The following LHFPL3 variants were observed in gnomAD, a reference collection of about 807,000 sequenced individuals.
LHFPL3 encodes the protein LHFPL tetraspan subfamily member 3.
In LHFPL3, 5 loss-of-function variants were observed where a neutral mutation model predicts 19.3. The observed-to-expected ratio is 0.26, with a 90% CI of 0.14 to 0.54. The LOEUF (loss-of-function observed/expected upper bound fraction) is 0.54. LHFPL3 is among the 20% of genes least tolerant of loss of function. The pLI, the probability that LHFPL3 is intolerant of heterozygous loss-of-function variation, is 0.94. For missense variants in LHFPL3, 249 were observed against 307.4 expected, an observed-to-expected ratio of 0.81 and a Z score of 1.42; for synonymous variants, 133 against 126.2, an observed-to-expected ratio of 1.05 and a Z score of -0.36.
intron 1 of LHFPL3, among the ~76,000 whole-genome samples, chr7:104,558,380 G>C (rs1201848977): frequency 6.7e-6 from 1 of 148,962 alleles, no homozygotes; most frequent in African/African-American, 2.5e-5. Context: ...TCTAACTGGT[G>C]TGAGATGGTA....
At chr7:104,749,595 A>G (rs1258182483) in intron 2 of LHFPL3, among the ~76,000 whole-genome samples, 1 of 152,290 alleles carries the variant, frequency 6.6e-6, no homozygotes, top group African/African-American at 2.4e-5. Context: ...GGAGAGGGCA[A>G]CCCGGGTTGG....
intron 2 of LHFPL3, among the ~76,000 whole-genome samples, chr7:104,748,223 C>T (rs537902791): frequency 7.9e-5 from 12 of 151,814 alleles, no homozygotes; most frequent in South Asian, 2.1e-4. Context: ...TGCGGAAGGC[C>T]GCAGGGACCT....
At chr7:104,583,816 TG>T (rs1241882179) in intron 1 of LHFPL3, among the ~76,000 whole-genome samples, 16 of 151,708 alleles carry the variant, frequency 1.1e-4, no homozygotes, top group Middle Eastern at 3.4e-3. Flanking sequence ...CAACAGGTGC[TG>T]GAGAGGATGT....
intron 2 of LHFPL3, among the ~76,000 whole-genome samples, chr7:104,901,469 T>G (rs1347033950): frequency 2.0e-4 from 30 of 152,058 alleles, no homozygotes; most frequent in Admixed American, 2.0e-3. Flanking sequence ...AAGCAAACAT[T>G]CCCAGCACGC....
Position 104,907,678 on chromosome 7 carries a change from T to A in LHFPL3, c.*1463T>A, listed in dbSNP as rs1792646905. On this transcript the variant is annotated 3_prime_UTR_variant, in exon 3 of 3. Transcript: ENST00000424859. ...TGGACATGTAGAATGCTTTTATTCATGTATTCAAAATCAGAACAAATCAGT... is the reference window on the plus strand; with the variant it reads ...TGGACATGTAGAATGCTTTTATTCAAGTATTCAAAATCAGAACAAATCAGT... Among the ~76,000 whole-genome samples the A allele has an allele frequency of 6.6e-6, 1 of 152,222 alleles. No individual in the cohort carries two copies. The highest frequency in any genetic ancestry group is 2.4e-5 in the African/African-American group (1 of 41,462).
At chr7:104,899,734 T>C (rs1792445943) in intron 2 of LHFPL3, among the ~76,000 whole-genome samples, 1 of 152,066 alleles carries the variant, frequency 6.6e-6, no homozygotes, top group South Asian at 2.1e-4. Flanking sequence ...CCCCCTAATT[T>C]ATTAATTCTT....
At chr7:104,869,111 A>C (rs906922710) in intron 2 of LHFPL3, among the ~76,000 whole-genome samples, 5 of 152,210 alleles carry the variant, frequency 3.3e-5, no homozygotes, top group African/African-American at 1.2e-4. Context: ...TAGACCTAAA[A>C]CCATAAAAAC....
rs138963584 is a variant in LHFPL3 at position 104,720,336 on chromosome 7, A to C, written c.446-16339A>C. Reference sequence around the variant, plus strand: ...ATGGTGCTGGGAAAACTGGCTAGCCATATGTAGAAAGCTGAAACTGAATCC... The same window carrying C: ...ATGGTGCTGGGAAAACTGGCTAGCCCTATGTAGAAAGCTGAAACTGAATCC... On this transcript the variant is annotated intron_variant, in intron 1 of 2. Transcript: ENST00000424859. 5.4e-3 allele frequency among the ~76,000 whole-genome samples: 821 copies of C among 152,332 alleles called. 9 individuals carry two copies. Among genetic ancestry groups the C allele is most frequent in the African/African-American group, 0.018 (762 of 41,582 alleles).
At chr7:104,574,435 G>A (rs1790284493) in intron 1 of LHFPL3, among the ~76,000 whole-genome samples, 1 of 152,200 alleles carries the variant, frequency 6.6e-6, no homozygotes, top group Non-Finnish European at 1.5e-5. Context: ...TATTCAGAAA[G>A]CCCTTTAAAG....
intron 1 of LHFPL3, among the ~76,000 whole-genome samples, chr7:104,392,850 T>C (rs959649351): frequency 4.6e-5 from 7 of 152,226 alleles, no homozygotes; most frequent in Non-Finnish European, 1.0e-4. Flanking sequence ...TCTTAATTAT[T>C]ACCTCAATTT....
chr7:104,734,977 A>G (rs377632589), intron 1 of LHFPL3, among the ~76,000 whole-genome samples: 24 of 152,182 alleles, frequency 1.6e-4, no homozygotes, highest in Non-Finnish European at 2.5e-4. Context: ...GTTTGCTGGA[A>G]GTCCACTCCA....
chr7:104,837,697 T>G lies in LHFPL3; in HGVS notation c.683-68490T>G, dbSNP rs189477979. Among the ~76,000 whole-genome samples, 13 of 152,268 alleles carry G rather than the reference T, an allele frequency of 8.5e-5. 1 individual carries two copies. The highest frequency in any genetic ancestry group is 5.2e-4 in the Admixed American group (8 of 15,290). On this transcript the variant is annotated intron_variant, in intron 2 of 2. Transcript: ENST00000424859. ...CATGAGTAAGTTCTTTAGTGGTGATTTGTGAGATTTTGGTGCACCCATCAC... is the reference window on the plus strand; with the variant it reads ...CATGAGTAAGTTCTTTAGTGGTGATGTGTGAGATTTTGGTGCACCCATCAC...
chr7:104,672,475 A>C (rs1792503171), intron 1 of LHFPL3, among the ~76,000 whole-genome samples: 1 of 152,148 alleles, frequency 6.6e-6, no homozygotes, highest in Admixed American at 6.5e-5. Context: ...GTGAGTAAGG[A>C]GTGAATTATA....
chr7:104,723,394 A>T (rs1223601386), intron 1 of LHFPL3, among the ~76,000 whole-genome samples: 2 of 152,144 alleles, frequency 1.3e-5, no homozygotes, highest in South Asian at 2.1e-4. Flanking sequence ...GCTCACCTCC[A>T]GCTTGTGAGC....
At chr7:104,831,508 G>A (rs1439552360) in intron 2 of LHFPL3, among the ~76,000 whole-genome samples, 1 of 151,910 alleles carries the variant, frequency 6.6e-6, no homozygotes, top group Non-Finnish European at 1.5e-5. Context: ...AGAGAAAACA[G>A]AGTTGCTCAT....
At chr7:104,612,798 T>G (rs749592137) in intron 1 of LHFPL3, among the ~76,000 whole-genome samples, 2 of 152,196 alleles carry the variant, frequency 1.3e-5, no homozygotes, top group Non-Finnish European at 2.9e-5. Context: ...ATTTCCTACC[T>G]GACTTGCCAA....
intron 2 of LHFPL3, among the ~76,000 whole-genome samples, chr7:104,828,030 G>C (rs1169540866): frequency 6.6e-6 from 1 of 151,936 alleles, no homozygotes; most frequent in Non-Finnish European, 1.5e-5. Context: ...CTGTGGACTA[G>C]ACCCCTCTTC....
At chr7:104,692,921 A>G (rs912689953) in intron 1 of LHFPL3, among the ~76,000 whole-genome samples, 1 of 152,190 alleles carries the variant, frequency 6.6e-6, no homozygotes, top group Non-Finnish European at 1.5e-5. Context: ...ACTGACAACT[A>G]GCACCATGCA....
chr7:104,344,799 G>C (rs1790032836), intron 1 of LHFPL3, among the ~76,000 whole-genome samples: 1 of 152,156 alleles, frequency 6.6e-6, no homozygotes, highest in Non-Finnish European at 1.5e-5. Context: ...TGGGTTTGCT[G>C]GATCAAATGG....
Sources: allele counts gnomAD v4.1 joint callset (sites outside exome capture counted in the v4.1 genomes callset), GRCh38; gene constraint gnomAD v4.1.1; transcripts MANE v1.5; gene names NCBI Gene and HGNC (gene_info 2026-07-23, HGNC 2026-07-21).